Variants in ZNF410 observed in about 807,000 individuals in gnomAD.
The protein encoded by ZNF410 is another partner for ARF 1.
A neutral mutation model predicts 54.8 loss-of-function variants in ZNF410; 18 were observed. The observed-to-expected ratio is 0.33, with a 90% CI of 0.23 to 0.49. The LOEUF (loss-of-function observed/expected upper bound fraction) is 0.49. ZNF410 is among the 20% of genes least tolerant of loss of function. The pLI is 0.99. For synonymous variants in ZNF410, 191 were observed against 207.3 expected (o/e 0.92, Z 0.68); for missense variants, 405 against 569.6 (o/e 0.71, Z 2.94).
At chr14:73,905,960 CACACACACATATATAT>C (rs1220619179) in intron 7 of ZNF410, among the ~76,000 whole-genome samples, 12 of 22,358 alleles carry the variant, frequency 5.4e-4, no homozygotes, top group South Asian at 3.2e-3. Context: ...CACACACACA[CACACACACATATATAT>C]ATATATATAT....
chr14:73,901,774 G>A (rs1318237828), intron 5 of ZNF410, among the ~76,000 whole-genome samples: 1 of 150,538 alleles, frequency 6.6e-6, no homozygotes, highest in Non-Finnish European at 1.5e-5. Context: ...AAAAAAAATA[G>A]AAAAAATTAG....
intron 8 of ZNF410, among the ~76,000 whole-genome samples, chr14:73,912,681 T>C (rs2055602535): frequency 2.6e-5 from 4 of 152,244 alleles, no homozygotes; most frequent in Admixed American, 2.6e-4. Flanking sequence ...TGTAATTCTT[T>C]TAATTGTGAA....
At chr14:73,887,736 TGTG>T (rs1467308876) in intron 1 of ZNF410, among the ~76,000 whole-genome samples, 1 of 152,212 alleles carries the variant, frequency 6.6e-6, no homozygotes, top group Non-Finnish European at 1.5e-5. Context: ...TTTTTCTTAG[TGTG>T]GTGCAGAGTA....
Position 73,909,379 on chromosome 14 carries a change from C to T in ZNF410, c.952C>T (p.Arg318Cys), listed in dbSNP as rs201769251. The stretch of plus-strand genomic sequence containing the variant: ...CCTTTGTGAAGCCCAAGGATGTGGC[C>T]GTTCCTTTGCTGAGTATTCTAGCCT... ...PFLCEAQGCG[R>C]SFAEYSSLRK... Residue 318 changes from arginine to cysteine, a missense_variant, in exon 8 of 12, where the codon CGT becomes TGT. Arg to Cys is a radical substitution (Grantham distance 180). Around this residue, in one of 3 missense-constraint regions of ZNF410, gnomAD observed 31 missense variants for 85.5 expected, o/e 0.36. Transcript: ENST00000555044. 10 of 1,613,950 alleles carry T rather than the reference C, an allele frequency of 6.2e-6. No individual in the cohort carries two copies. Among genetic ancestry groups the T allele is most frequent in the Admixed American group, 3.3e-5 (2 of 59,980 alleles).
chr14:73,908,694 C>G (rs537858194), intron 7 of ZNF410, among the ~76,000 whole-genome samples: 114 of 152,164 alleles, frequency 7.5e-4, no homozygotes, highest in Middle Eastern at 3.2e-3. Flanking sequence ...TCCTTCCATC[C>G]TTGTCATCTT....
At chr14:73,893,658 T>G in intron 2 of ZNF410, 139 bp from the exon 3 acceptor site, 1 of 938,432 alleles carries the variant, frequency 1.1e-6, no homozygotes, top group Non-Finnish European at 1.5e-6. Context: ...AAAATAACTT[T>G]AGATATTATG....
In ZNF410 at chr14:73,902,673, A is replaced by G. The variant is rs556545218; in HGVS notation, c.581-1287A>G. 1.6e-4 allele frequency among the ~76,000 whole-genome samples: 24 copies of G among 152,324 alleles called. 1 individual carries two copies. In the South Asian group the frequency reaches 3.3e-3, roughly 21 times the overall value. On this transcript the variant is annotated intron_variant, in intron 5 of 11. Coordinates refer to ENST00000555044, the MANE Select transcript of ZNF410 (RefSeq NM_021188.3). ...GCTAAGGTATATATAGTGGAAAGAT[A>G]CACTGCCTGCATATGCTCATGGCAG...
chr14:73,894,532 T>G (rs2055282774), intron 3 of ZNF410: 2 of 651,914 alleles, frequency 3.1e-6, no homozygotes, highest in Non-Finnish European at 5.5e-6. Context: ...GTTCAAGCTA[T>G]TCTCCTGCCT....
At chr14:73,890,852 A>G (rs1399239967) in intron 1 of ZNF410, among the ~76,000 whole-genome samples, 2 of 152,090 alleles carry the variant, frequency 1.3e-5, no homozygotes, top group Non-Finnish European at 2.9e-5. Context: ...CTCTACTAAA[A>G]ATACAAAATT....
At chr14:73,920,898 C>A in intron 8 of ZNF410, 82 bp from the exon 9 acceptor site, 1 of 1,561,814 alleles carries the variant, frequency 6.4e-7, no homozygotes, top group East Asian at 2.3e-5. Flanking sequence ...GTTTAACATT[C>A]TCTGGGTTTC....
chr14:73,891,074 C>T (rs1357200651), intron 1 of ZNF410, among the ~76,000 whole-genome samples: 1 of 145,810 alleles, frequency 6.9e-6, no homozygotes, highest in Non-Finnish European at 1.5e-5. Flanking sequence ...CTTTGGGAAA[C>T]GCTCTTCAAA....
At chr14:73,923,349 T>A (rs780808682) in intron 10 of ZNF410, 46 bp from the exon 11 acceptor site, 27 of 1,599,348 alleles carry the variant, frequency 1.7e-5, no homozygotes, top group Non-Finnish European at 2.2e-5. Context: ...GATAGGTGTA[T>A]CTCTGGATTC....
chr14:73,912,324 C>T (rs1418792638), intron 8 of ZNF410, among the ~76,000 whole-genome samples: 1 of 152,076 alleles, frequency 6.6e-6, no homozygotes, highest in Admixed American at 6.6e-5. Context: ...CGCGTGCCAC[C>T]ACGCCCGACT....
At chr14:73,887,711 G>GA (rs1177269982) in intron 1 of ZNF410, among the ~76,000 whole-genome samples, 1 of 152,198 alleles carries the variant, frequency 6.6e-6, no homozygotes, top group Non-Finnish European at 1.5e-5. Flanking sequence ...TAGGGAGTGA[G>GA]AAATTGCACT....
At position 73,900,010 on chromosome 14, in the gene ZNF410, A is replaced by T. The variant is rs557188593; in HGVS notation, c.580+1748A>T. 2.0e-5 allele frequency among the ~76,000 whole-genome samples: 3 copies of T among 152,252 alleles called. No homozygotes were observed. In the South Asian group the frequency reaches 6.2e-4, roughly 32 times the overall value. On this transcript the variant is annotated intron_variant, in intron 5 of 11. Coordinates refer to ENST00000555044, the MANE Select transcript of ZNF410 (RefSeq NM_021188.3). ...CAGGAATTCGAGACCAGCCTGACCA[A>T]CGTGGAGAAATCCCGTCTCTACTAA...
chr14:73,919,890 T>TTTG, intron 8 of ZNF410, among the ~76,000 whole-genome samples: 1 of 138,156 alleles, frequency 7.2e-6, no homozygotes, highest in East Asian at 2.0e-4. Context: ...GTATAGGTTT[T>TTTG]TTTTTTTTTT....
chr14:73,912,680 T>C (rs1251129109), intron 8 of ZNF410, among the ~76,000 whole-genome samples: 1 of 152,258 alleles, frequency 6.6e-6, no homozygotes, highest in African/African-American at 2.4e-5. Context: ...ATGTAATTCT[T>C]TTAATTGTGA....
At chr14:73,923,916 T>C (rs892713123) in intron 11 of ZNF410, among the ~76,000 whole-genome samples, 3 of 152,134 alleles carry the variant, frequency 2.0e-5, no homozygotes. Context: ...TTGGGTGAAA[T>C]TTCTGTACCA....
At chr14:73,894,172 A>T (rs2055274967) in intron 3 of ZNF410, among the ~76,000 whole-genome samples, 1 of 152,108 alleles carries the variant, frequency 6.6e-6, no homozygotes, top group Admixed American at 6.6e-5. Flanking sequence ...AAAACTATGG[A>T]ACTCTTTATT....
Sources: allele counts gnomAD v4.1 joint callset (sites outside exome capture counted in the v4.1 genomes callset), GRCh38; gene constraint gnomAD v4.1.1; regional missense constraint gnomAD v4.1.1; transcripts MANE v1.5; gene names NCBI Gene and HGNC (gene_info 2026-07-23, HGNC 2026-07-21).